Variants in ZNF789 observed in about 807,000 individuals in gnomAD.
ZNF789 encodes the protein zinc finger protein 789.
ZNF789 carries 11 observed loss-of-function variants against 15.6 expected under a neutral mutation model. The ratio of observed to expected loss-of-function variants is 0.70; its 90% CI spans 0.44 to 1.16. The LOEUF (loss-of-function observed/expected upper bound fraction) is 1.16, where lower values mean the gene tolerates loss of function less well. Ranked by LOEUF, ZNF789 falls within the 50% of genes most tolerant of loss-of-function variation. The probability of loss-of-function intolerance (pLI) is 0.00; values close to 1 mark genes in which losing one functional copy is unlikely to be tolerated. For synonymous variants in ZNF789, 159 were observed against 176.0 expected (o/e 0.90, Z 0.76); for missense variants, 461 against 512.6 (o/e 0.90, Z 0.97).
At chr7:99,478,500 G>A in intron 2 of ZNF789, 1 of 591,324 alleles carries the variant, frequency 1.7e-6, no homozygotes, top group East Asian at 6.7e-5. Context: ...ATGGGGGTGG[G>A]CATTTCCTGT....
rs1247791167 is a variant in ZNF789 at position 99,487,159 on chromosome 7, G to A, written c.949G>A (p.Glu317Lys). 1 of 1,614,134 alleles carries A rather than the reference G, an allele frequency of 6.2e-7. No homozygotes were observed. Among genetic ancestry groups the A allele is most frequent in the African/African-American group, 1.3e-5 (1 of 75,034 alleles). The stretch of plus-strand genomic sequence containing the variant: ...TGGAGAAAAACGCCATAAATGCCTT[G>A]AGTGTGGAAAAGCCTTTGGCCGGCA... ...HSGEKRHKCL[E>K]CGKAFGRHST... Residue 317 changes from glutamate to lysine, a missense_variant, in exon 5 of 5, where the codon GAG becomes AAG. Transcript: ENST00000331410.
chr7:99,483,992 CACTA>C, intron 3 of ZNF789, 34 bp from the exon 4 acceptor site: 1 of 1,559,532 alleles, frequency 6.4e-7, no homozygotes, highest in East Asian at 2.2e-5. Context: ...CTCTGTAACT[CACTA>C]ACGGCCACAT....
At position 99,487,173 on chromosome 7, in the gene ZNF789, C is replaced by T. The variant is rs775643895; in HGVS notation, c.963C>T (p.Ala321=). The T allele has an allele frequency of 1.0e-4, 161 of 1,614,020 alleles. No homozygotes were observed. Among genetic ancestry groups the T allele is most frequent in the Non-Finnish European group, 1.4e-4 (160 of 1,180,040 alleles). The change falls in exon 5 of 5, where the codon GCC becomes GCT. Residue 321 remains alanine, a synonymous_variant. Transcript: ENST00000331410. ...ATAAATGCCTTGAGTGTGGAAAAGC[C>T]TTTGGCCGGCATTCAACCCTTCTAT... The part of the protein sequence containing the change: ...KRHKCLECGK[A]FGRHSTLLCH...
chr7:99,483,907 G>A, intron 3 of ZNF789, 123 bp from the exon 4 acceptor site: 1 of 822,756 alleles, frequency 1.2e-6, no homozygotes, highest in Admixed American at 1.7e-5. Context: ...TACAAAGATT[G>A]TGCCAATCTC....
At chr7:99,481,242 C>T (rs757350512) in intron 3 of ZNF789, 2 of 152,130 alleles carry the variant, frequency 1.3e-5, no homozygotes, top group Non-Finnish European at 2.9e-5. Flanking sequence ...ATTGAGCTTG[C>T]CTTTGTTTGT....
rs1284327040 is a variant in ZNF789, at chr7:99,486,736, G to C, written c.526G>C (p.Asp176His). Residue 176 changes from aspartate (D) to histidine (H), a missense_variant, in exon 5 of 5, where the codon GAT becomes CAT. Physicochemically the swap from Asp to His is moderately conservative, Grantham distance 81. Coordinates refer to ENST00000331410, the MANE Select transcript of ZNF789 (RefSeq NM_213603.3). ...AACAAGGTGGAAGCAGGGCAGATAT[G>C]ATGAGGATGGCAAACCCTTCAATCA... ...AQTRWKQGRY[D>H]EDGKPFNQRS... 1 of 1,614,208 alleles carries C rather than the reference G, an allele frequency of 6.2e-7. No individual in the cohort carries two copies. Among genetic ancestry groups the C allele is most frequent in the Admixed American group, 1.7e-5 (1 of 60,018 alleles).
intron 2 of ZNF789, among the ~76,000 whole-genome samples, chr7:99,477,905 G>A (rs1014516572): frequency 6.6e-6 from 1 of 152,162 alleles, no homozygotes. Context: ...CCGAGATCGC[G>A]CCATTGCACT....
chr7:99,476,243 T>C lies in ZNF789; in HGVS notation c.-54-160T>C, dbSNP rs575410518. 3.0e-4 allele frequency: 165 copies of C among 549,670 alleles called. 1 individual carries two copies. The Admixed American group carries it at 3.8e-3, about 13-fold the overall frequency. 34.0% of individuals were successfully genotyped at this position (549,670 alleles called of 1,614,324 possible). On this transcript the variant is annotated intron_variant, in intron 1 of 4. Coordinates refer to ENST00000331410, the MANE Select transcript of ZNF789 (RefSeq NM_213603.3). ...TGGGAAATTGAAATTACTAGACTTA[T>C]TGTAGCGGCTCATGCATTTCATCAC...
intron 2 of ZNF789, 139 bp downstream of exon 2, chr7:99,476,619 C>A: frequency 1.0e-6 from 1 of 997,316 alleles, no homozygotes; most frequent in South Asian, 2.1e-5. Flanking sequence ...CCTCTGGAGT[C>A]ACATGGGCTT....
In ZNF789 at chr7:99,486,599, A is replaced by T. The variant is rs369068130; in HGVS notation, c.389A>T (p.His130Leu). Residue 130 changes from histidine to leucine, a missense_variant, in exon 5 of 5, where the codon CAT becomes CTT. His to Leu is a moderately conservative substitution (Grantham distance 99). Transcript: ENST00000331410. ...GCTGAGAAACTTTCAGAAAAGTTACATAAGTGTAAAGAATTTGTGGACAGT... is the reference window on the plus strand; with the variant it reads ...GCTGAGAAACTTTCAGAAAAGTTACTTAAGTGTAAAGAATTTGTGGACAGT... The part of the protein sequence containing the change: ...ESAEKLSEKL[H>L]KCKEFVDSCR... The T allele has an allele frequency of 6.2e-7, 1 of 1,614,240 alleles. No homozygotes were observed. The highest frequency in any genetic ancestry group is 8.5e-7 in the Non-Finnish European group (1 of 1,180,042).
At position 99,487,041 on chromosome 7, in the gene ZNF789, G is replaced by A; in HGVS notation, c.831G>A (p.Arg277=). The part of the protein sequence containing the change: ...RQLAYLVEHK[R]IHTKEKPYKC... ...TCGCGTATCTTGTTGAACATAAGAG[G>A]ATTCACACCAAAGAAAAACCTTATA... Residue 277 remains arginine, a synonymous_variant, in exon 5 of 5, where the codon AGG becomes AGA. Coordinates refer to ENST00000331410, the MANE Select transcript of ZNF789 (RefSeq NM_213603.3). 1 of 1,613,950 alleles carries A rather than the reference G, an allele frequency of 6.2e-7. No individual in the cohort carries two copies. Among genetic ancestry groups the A allele is most frequent in the Non-Finnish European group, 8.5e-7 (1 of 1,180,024 alleles).
At chr7:99,478,740 A>T (rs949151418) in intron 2 of ZNF789, 2 of 225,664 alleles carry the variant, frequency 8.9e-6, no homozygotes, top group African/African-American at 4.5e-5. Flanking sequence ...TGCTGTGTCC[A>T]CTGTTGCCCA....
At position 99,487,554 on chromosome 7, in the gene ZNF789, G is replaced by C; in HGVS notation, c.*66G>C. ...AACCTCTACTTCAAGTGTGTATCAC[G>C]TAATTGTTTCCATGAAAAGCAATAA... On this transcript the variant is annotated 3_prime_UTR_variant, in exon 5 of 5. Coordinates refer to ENST00000331410, the MANE Select transcript of ZNF789 (RefSeq NM_213603.3). 6.6e-7 allele frequency: 1 copy of C among 1,511,704 alleles called. No homozygotes were observed. Among genetic ancestry groups the C allele is most frequent in the Non-Finnish European group, 8.9e-7 (1 of 1,125,276 alleles). 93.6% of individuals were successfully genotyped at this position (1,511,704 alleles called of 1,614,324 possible).
chr7:99,479,559 C>G, intron 2 of ZNF789, 102 bp from the exon 3 acceptor site: 1 of 1,408,196 alleles, frequency 7.1e-7, no homozygotes. Flanking sequence ...TGCCCTTGGC[C>G]CACACTCTAC....
intron 3 of ZNF789, 136 bp downstream of exon 3, chr7:99,479,923 A>T: frequency 8.2e-7 from 1 of 1,213,402 alleles, no homozygotes; most frequent in South Asian, 1.7e-5. Flanking sequence ...TGTGGCTACA[A>T]GCCCTGACCA....
chr7:99,487,537 C>T lies in ZNF789; in HGVS notation c.*49C>T, dbSNP rs1800042529. The T allele has an allele frequency of 3.2e-6, 5 of 1,548,340 alleles. No homozygotes were observed. Among genetic ancestry groups the T allele is most frequent in the Non-Finnish European group, 4.4e-6 (5 of 1,147,186 alleles). ...GAGAACTAGAACTTATAAACCTCTA[C>T]TTCAAGTGTGTATCACGTAATTGTT... On this transcript the variant is annotated 3_prime_UTR_variant, in exon 5 of 5. Transcript: ENST00000331410.
intron 4 of ZNF789, among the ~76,000 whole-genome samples, chr7:99,486,091 G>A (rs547644003): frequency 3.0e-4 from 45 of 152,294 alleles, no homozygotes; most frequent in African/African-American, 1.0e-3. Context: ...GCCGAGGTGG[G>A]TGGATCACCT....
intron 1 of ZNF789, among the ~76,000 whole-genome samples, chr7:99,476,050 G>A (rs1171185121): frequency 2.6e-5 from 4 of 151,920 alleles, no homozygotes; most frequent in Admixed American, 6.6e-5. Flanking sequence ...TGATCCACCC[G>A]CCTCAGCCTC....
rs1289317140 is a variant in ZNF789, at chr7:99,479,730, C to A, written c.94C>A (p.Gln32Lys). Residue 32 changes from glutamine (Q) to lysine (K), a missense_variant, in exon 3 of 5, where the codon CAG becomes AAG. Gln to Lys is a moderately conservative substitution (Grantham distance 53). Transcript: ENST00000331410. ...REEWGHLNWG[Q>K]KDLYRDVMLE... ...GGAGTGGGGCCACCTCAACTGGGGT[C>A]AGAAGGACCTCTACCGAGATGTGAT... 1.2e-6 allele frequency: 2 copies of A among 1,613,876 alleles called. No homozygotes were observed. The highest frequency in any genetic ancestry group is 2.7e-5 in the African/African-American group (2 of 74,904).
Sources: gnomAD v4.1 joint callset for allele counts (sites outside exome capture counted in the v4.1 genomes callset) on GRCh38, gnomAD v4.1.1 for gene constraint, MANE v1.5 for transcripts, NCBI Gene and HGNC (gene_info 2026-07-23, HGNC 2026-07-21) for gene names.